DLGAP1: variants seen among roughly 807,000 people sequenced by gnomAD.
DLGAP1 encodes the protein DLG associated protein 1.
A neutral mutation model predicts 90.8 loss-of-function variants in DLGAP1; 11 were observed. That is an observed-to-expected ratio of 0.12 (90% CI 0.08 to 0.20). The LOEUF is 0.20. DLGAP1 is among the 10% of genes least tolerant of loss of function. The probability of loss-of-function intolerance (pLI) is 1.00; values close to 1 mark genes in which losing one functional copy is unlikely to be tolerated. For missense variants in DLGAP1, 1,050 were observed against 1,333.8 expected, an observed-to-expected ratio of 0.79 and a Z score of 3.31; for synonymous variants, 558 against 540.7, an observed-to-expected ratio of 1.03 and a Z score of -0.44.
At chr18:3,634,414 T>C (rs1162789095) in intron 7 of DLGAP1, among the ~76,000 whole-genome samples, 1 of 152,180 alleles carries the variant, frequency 6.6e-6, no homozygotes, top group African/African-American at 2.4e-5. Flanking sequence ...TTTCCTTCTT[T>C]GTTTACCTAA....
At chr18:4,433,035 A>C (rs1388939075) in intron 1 of DLGAP1, among the ~76,000 whole-genome samples, 1 of 152,182 alleles carries the variant, frequency 6.6e-6, no homozygotes, top group Non-Finnish European at 1.5e-5. Context: ...CATAAAGTGG[A>C]GGGCCCCTCT....
chr18:4,012,298 C>T (rs1011202298), intron 2 of DLGAP1, among the ~76,000 whole-genome samples: 1 of 152,094 alleles, frequency 6.6e-6, no homozygotes, highest in Non-Finnish European at 1.5e-5. Flanking sequence ...CCCCATGGCC[C>T]GAGGCAAAGT....
intron 7 of DLGAP1, among the ~76,000 whole-genome samples, chr18:3,704,709 G>A (rs2061381791): frequency 6.6e-6 from 1 of 151,850 alleles, no homozygotes; most frequent in Non-Finnish European, 1.5e-5. Context: ...AGAACACAGT[G>A]ACTCATGCCT....
chr18:3,914,613 G>T (rs1568297286), intron 3 of DLGAP1, among the ~76,000 whole-genome samples: 1 of 151,908 alleles, frequency 6.6e-6, no homozygotes, highest in Non-Finnish European at 1.5e-5. Context: ...TGGTAGTTTT[G>T]TTTTTAATTT....
intron 2 of DLGAP1, among the ~76,000 whole-genome samples, chr18:4,100,196 A>T (rs1419246507): frequency 6.6e-6 from 1 of 152,184 alleles, no homozygotes; most frequent in African/African-American, 2.4e-5. Context: ...TATTTCTTAA[A>T]TAATAAGACT....
intron 7 of DLGAP1, among the ~76,000 whole-genome samples, chr18:3,689,723 G>A (rs939972592): frequency 6.6e-6 from 1 of 151,972 alleles, no homozygotes; most frequent in Non-Finnish European, 1.5e-5. Context: ...CTCCCAAATT[G>A]TATGCCTTGG....
At chr18:4,428,318 C>A (rs567783516) in intron 1 of DLGAP1, among the ~76,000 whole-genome samples, 1 of 152,106 alleles carries the variant, frequency 6.6e-6, no homozygotes. Context: ...TGGTGGCTCA[C>A]GCCTGTAATC....
intron 1 of DLGAP1, among the ~76,000 whole-genome samples, chr18:4,343,542 T>C (rs111471352): frequency 2.5e-4 from 38 of 152,212 alleles, no homozygotes; most frequent in African/African-American, 8.9e-4. Flanking sequence ...ATCATCAAAG[T>C]ATAAAGTTTG....
chr18:3,825,630 T>C (rs922569462), intron 4 of DLGAP1, among the ~76,000 whole-genome samples: 5 of 152,178 alleles, frequency 3.3e-5, no homozygotes, highest in African/African-American at 9.6e-5. Flanking sequence ...GATGCAGAAC[T>C]GATGGATACA....
At chr18:3,550,352 A>T (rs2053317984) in intron 9 of DLGAP1, among the ~76,000 whole-genome samples, 1 of 152,088 alleles carries the variant, frequency 6.6e-6, no homozygotes, top group Non-Finnish European at 1.5e-5. Context: ...CAGCCTCCCG[A>T]GTAGCTGGGA....
At chr18:4,132,602 T>C (rs1039733689) in intron 2 of DLGAP1, among the ~76,000 whole-genome samples, 6 of 152,182 alleles carry the variant, frequency 3.9e-5, no homozygotes, top group African/African-American at 1.4e-4. Context: ...CCAGGTACAA[T>C]AGTTGTCTAA....
At chr18:4,019,816 C>T (rs946283283) in intron 2 of DLGAP1, among the ~76,000 whole-genome samples, 1 of 141,150 alleles carries the variant, frequency 7.1e-6, no homozygotes, top group Non-Finnish European at 1.5e-5. Context: ...CGTGTGCGCG[C>T]ACACACACAC....
chr18:4,003,085 T>C (rs937899791), intron 3 of DLGAP1, among the ~76,000 whole-genome samples: 1 of 152,226 alleles, frequency 6.6e-6, no homozygotes, highest in Non-Finnish European at 1.5e-5. Context: ...TGAGCCCTGA[T>C]TCTTCACCAG....
intron 3 of DLGAP1, among the ~76,000 whole-genome samples, chr18:3,928,329 G>A (rs993489439): frequency 2.6e-5 from 4 of 152,144 alleles, no homozygotes; most frequent in African/African-American, 9.7e-5. Context: ...TCTTTTCCTG[G>A]AAGAGCATTT....
At chr18:3,634,126 TATACACAAGA>T (rs976736570) in intron 7 of DLGAP1, among the ~76,000 whole-genome samples, 3 of 152,104 alleles carry the variant, frequency 2.0e-5, no homozygotes, top group Admixed American at 2.0e-4. Flanking sequence ...GGATGAGTAT[TATACACAAGA>T]ATACACAAGA....
intron 2 of DLGAP1, among the ~76,000 whole-genome samples, chr18:4,032,034 A>C (rs939645667): frequency 3.3e-5 from 5 of 152,192 alleles, no homozygotes; most frequent in African/African-American, 1.2e-4. Flanking sequence ...CCCGGTTTTG[A>C]TACTTCACAT....
intron 1 of DLGAP1, among the ~76,000 whole-genome samples, chr18:4,203,990 T>G (rs1001691773): frequency 6.6e-6 from 1 of 152,178 alleles, no homozygotes; most frequent in Non-Finnish European, 1.5e-5. Context: ...ACAAGAAGCT[T>G]AGGATTTACC....
rs956872511 is a variant in DLGAP1 at position 4,383,499 on chromosome 18, CAG to C, written c.-267+71505_-267+71506del. Among the ~76,000 whole-genome samples the C allele has an allele frequency of 6.6e-6, 1 of 151,832 alleles. No individual in the cohort carries two copies. The highest frequency in any genetic ancestry group is 2.4e-5 in the African/African-American group (1 of 41,336). On this transcript the variant is annotated intron_variant, in intron 1 of 12. Coordinates refer to ENST00000315677, the MANE Select transcript of DLGAP1 (RefSeq NM_004746.4). The surrounding 1 kb of genome is among the most constrained non-coding windows in gnomAD (Gnocchi z 4.0). ...AGCTTGTACTAGAAACAGCATTAGA[CAG>C]GGAGATAAGAGACCTGGGTTTTAAA...
At chr18:4,295,945 T>G (rs2079970274) in intron 1 of DLGAP1, among the ~76,000 whole-genome samples, 2 of 152,200 alleles carry the variant, frequency 1.3e-5, no homozygotes, top group South Asian at 4.1e-4. Context: ...AGTCAATATT[T>G]ATTGAGTGCT....
Sources: allele counts gnomAD v4.1 joint callset (sites outside exome capture counted in the v4.1 genomes callset), GRCh38; gene constraint gnomAD v4.1.1; non-coding constraint Gnocchi (gnomAD v3.1); transcripts MANE v1.5; gene names NCBI Gene and HGNC (gene_info 2026-07-23, HGNC 2026-07-21).